FSIP1: variants seen among roughly 807,000 people sequenced by gnomAD.
FSIP1 encodes fibrous sheath-interacting protein 1.
Under a neutral mutation model 60.9 loss-of-function variants are expected in FSIP1, and 65 were observed. That is an observed-to-expected ratio of 1.07 (90% CI 0.87 to 1.31). The LOEUF is 1.31. Among genes scored for constraint, FSIP1 ranks in the 40% most tolerant of loss-of-function variants. The pLI, the probability that FSIP1 is intolerant of heterozygous loss-of-function variation, is 0.00. For synonymous variants in FSIP1, 209 were observed against 221.2 expected (o/e 0.94, Z 0.49); for missense variants, 675 against 665.5 (o/e 1.01, Z -0.16).
intron 10 of FSIP1, among the ~76,000 whole-genome samples, chr15:39,625,049 G>A (rs915457729): frequency 3.9e-5 from 6 of 152,188 alleles, no homozygotes; most frequent in African/African-American, 1.2e-4. Flanking sequence ...CCCTTTTTAT[G>A]TGGGGCCTGG....
At chr15:39,696,218 G>T (rs1319282041) in intron 10 of FSIP1, among the ~76,000 whole-genome samples, 2 of 152,068 alleles carry the variant, frequency 1.3e-5, no homozygotes, top group African/African-American at 4.8e-5. Flanking sequence ...ACACTTTAGA[G>T]GTAGTAAAAT....
At chr15:39,692,033 C>A (rs1201997404) in intron 10 of FSIP1, among the ~76,000 whole-genome samples, 1 of 149,626 alleles carries the variant, frequency 6.7e-6, no homozygotes, top group Non-Finnish European at 1.5e-5. Context: ...TTAAGTGCTG[C>A]AAAAGGATTA....
chr15:39,766,377 T>TA (rs1897689235), intron 3 of FSIP1, among the ~76,000 whole-genome samples: 1 of 152,260 alleles, frequency 6.6e-6, no homozygotes, highest in Admixed American at 6.5e-5. Flanking sequence ...AACTTATGAT[T>TA]AACGATAATA....
At chr15:39,780,322 A>G (rs569603321) in intron 1 of FSIP1, among the ~76,000 whole-genome samples, 1 of 152,262 alleles carries the variant, frequency 6.6e-6, no homozygotes, top group African/African-American at 2.4e-5. Flanking sequence ...AGGAGGATCA[A>G]GAACACCCTG....
intron 5 of FSIP1, among the ~76,000 whole-genome samples, chr15:39,751,535 G>A (rs1043695864): frequency 2.0e-5 from 3 of 151,190 alleles, no homozygotes; most frequent in African/African-American, 7.3e-5. Flanking sequence ...AATACTATGT[G>A]AAATAAGCCA....
chr15:39,738,656 C>T lies in FSIP1; in HGVS notation c.781-455G>A, dbSNP rs116542035. 6.5e-3 allele frequency among the ~76,000 whole-genome samples: 991 copies of T among 152,220 alleles called. 7 individuals are homozygous for T. Among genetic ancestry groups the T allele is most frequent in the African/African-American group, 0.022 (934 of 41,514 alleles). On this transcript the variant is annotated intron_variant, in intron 7 of 11. Coordinates refer to ENST00000350221, the MANE Select transcript of FSIP1 (RefSeq NM_152597.5). The stretch of plus-strand genomic sequence containing the variant: ...ATTAAAAAGGGGAAAGAGAAATCTA[C>T]GGTAGACCTGCTATCTGTGTTAGCA...
chr15:39,614,143 CT>C (rs1373239765), intron 11 of FSIP1, among the ~76,000 whole-genome samples: 1 of 152,044 alleles, frequency 6.6e-6, no homozygotes. Context: ...AACTATCTCT[CT>C]TTGCTGATGA....
chr15:39,688,135 C>G (rs1172493642), intron 10 of FSIP1, among the ~76,000 whole-genome samples: 1 of 152,152 alleles, frequency 6.6e-6, no homozygotes, highest in African/African-American at 2.4e-5. Flanking sequence ...CAAAATCAGA[C>G]CAGTCGATGC....
intron 5 of FSIP1, among the ~76,000 whole-genome samples, chr15:39,744,367 G>T (rs953640042): frequency 6.6e-6 from 1 of 152,204 alleles, no homozygotes; most frequent in Non-Finnish European, 1.5e-5. Flanking sequence ...TCCTGAAAGA[G>T]GAAGATTGCA....
chr15:39,615,078 A>C (rs1040842729), intron 11 of FSIP1, among the ~76,000 whole-genome samples: 3 of 152,218 alleles, frequency 2.0e-5, no homozygotes, highest in African/African-American at 7.2e-5. Context: ...GCAGAATAAT[A>C]AAATTTGATC....
At chr15:39,724,765 C>T (rs1398265533) in intron 9 of FSIP1, among the ~76,000 whole-genome samples, 4 of 152,210 alleles carry the variant, frequency 2.6e-5, no homozygotes, top group Non-Finnish European at 5.9e-5. Flanking sequence ...TTTAAGACCA[C>T]AGTTCAGCTC....
intron 11 of FSIP1, among the ~76,000 whole-genome samples, chr15:39,614,593 C>A (rs957630897): frequency 7.0e-6 from 1 of 142,822 alleles, no homozygotes; most frequent in Non-Finnish European, 1.5e-5. Context: ...TGCAGTGAGC[C>A]AAGATCATGC....
At chr15:39,710,873 G>A (rs1324159357) in intron 10 of FSIP1, among the ~76,000 whole-genome samples, 1 of 152,176 alleles carries the variant, frequency 6.6e-6, no homozygotes, top group Non-Finnish European at 1.5e-5. Context: ...GACAGTGCCT[G>A]GCTCATAGTT....
chr15:39,745,157 C>T (rs1250083957), intron 5 of FSIP1, among the ~76,000 whole-genome samples: 3 of 146,056 alleles, frequency 2.1e-5, no homozygotes, highest in Non-Finnish European at 4.5e-5. Context: ...AACCCAGACA[C>T]CATCCTGAGA....
intron 10 of FSIP1, among the ~76,000 whole-genome samples, chr15:39,651,681 G>A (rs1026689559): frequency 2.3e-4 from 35 of 152,166 alleles, no homozygotes; most frequent in Non-Finnish European, 4.4e-5. Context: ...TTTGACTAGT[G>A]TTATTGTTAT....
intron 8 of FSIP1, among the ~76,000 whole-genome samples, chr15:39,730,647 G>A (rs533294729): frequency 2.3e-4 from 35 of 152,200 alleles, no homozygotes; most frequent in African/African-American, 8.4e-4. Flanking sequence ...TGTGAGTCTT[G>A]GCAGGGGAGG....
At chr15:39,627,735 C>T (rs1891701433) in intron 10 of FSIP1, among the ~76,000 whole-genome samples, 1 of 152,242 alleles carries the variant, frequency 6.6e-6, no homozygotes, top group African/African-American at 2.4e-5. Flanking sequence ...AAGCAGTAGT[C>T]AGGTCAATGA....
At chr15:39,746,230 GGTCATGTA>G (rs1258716116) in intron 5 of FSIP1, among the ~76,000 whole-genome samples, 1 of 152,102 alleles carries the variant, frequency 6.6e-6, no homozygotes, top group Non-Finnish European at 1.5e-5. Context: ...AGCAATCAGT[GGTCATGTA>G]AGCTTTGCCT....
intron 10 of FSIP1, among the ~76,000 whole-genome samples, chr15:39,629,203 G>A (rs578238060): frequency 7.2e-5 from 11 of 152,236 alleles, no homozygotes; most frequent in African/African-American, 1.2e-4. Context: ...GATTCCTGGC[G>A]CTGGGGAGGG....
Sources: gnomAD v4.1 joint callset for allele counts (sites outside exome capture counted in the v4.1 genomes callset) on GRCh38, gnomAD v4.1.1 for gene constraint, MANE v1.5 for transcripts, NCBI Gene and HGNC (gene_info 2026-07-23, HGNC 2026-07-21) for gene names.